The following GRXCR1 variants were observed in gnomAD, a reference collection of about 807,000 sequenced individuals.
The protein encoded by GRXCR1 is glutaredoxin and cysteine rich domain containing 1, also known as glutaredoxin domain-containing cysteine-rich protein 1.
Under a neutral mutation model 27.3 loss-of-function variants are expected in GRXCR1, and 27 were observed. The observed-to-expected ratio is 0.99, with a 90% CI of 0.73 to 1.37. The LOEUF (loss-of-function observed/expected upper bound fraction) is 1.37, where lower values mean the gene tolerates loss of function less well. Ranked by LOEUF, GRXCR1 falls within the 40% of genes most tolerant of loss-of-function variation. GRXCR1 has a pLI of 0.00. For missense variants in GRXCR1, 379 were observed against 354.4 expected, an observed-to-expected ratio of 1.07 and a Z score of -0.56; for synonymous variants, 122 against 131.1, an observed-to-expected ratio of 0.93 and a Z score of 0.47.
intron 2 of GRXCR1, among the ~76,000 whole-genome samples, chr4:43,002,000 G>C (rs777825372): frequency 6.6e-6 from 1 of 152,210 alleles, no homozygotes; most frequent in Admixed American, 6.5e-5. Context: ...CATCTCAGCG[G>C]AGTAAAGAAT....
chr4:42,936,077 T>C (rs565907633), intron 1 of GRXCR1, among the ~76,000 whole-genome samples: 3 of 152,058 alleles, frequency 2.0e-5, no homozygotes, highest in African/African-American at 7.2e-5. Context: ...CTCTGGAGAC[T>C]TGTAGTCCTG....
intron 1 of GRXCR1, 84 bp downstream of exon 1, chr4:42,893,734 C>G (rs535122600): frequency 7.4e-7 from 1 of 1,352,504 alleles, no homozygotes; most frequent in Non-Finnish European, 1.0e-6. Context: ...TAAAGCAAGC[C>G]TCTCTTATTT....
intron 2 of GRXCR1, among the ~76,000 whole-genome samples, chr4:42,964,405 T>C (rs1748193406): frequency 6.6e-6 from 1 of 151,980 alleles, no homozygotes; most frequent in African/African-American, 2.4e-5. Context: ...TCCTGACACT[T>C]ACCATGTGAC....
At chr4:42,984,882 G>A (rs1448574355) in intron 2 of GRXCR1, among the ~76,000 whole-genome samples, 1 of 152,198 alleles carries the variant, frequency 6.6e-6, no homozygotes, top group Non-Finnish European at 1.5e-5. Flanking sequence ...TGGTGCTGAA[G>A]TGGGTCTGGA....
intron 1 of GRXCR1, among the ~76,000 whole-genome samples, chr4:42,910,495 G>C (rs12640603): frequency 6.6e-6 from 1 of 152,072 alleles, no homozygotes; most frequent in Non-Finnish European, 1.5e-5. Flanking sequence ...GGCTACATAT[G>C]CTGAGTGGGC....
At chr4:42,986,879 G>T (rs1401007217) in intron 2 of GRXCR1, among the ~76,000 whole-genome samples, 3 of 151,802 alleles carry the variant, frequency 2.0e-5, no homozygotes, top group African/African-American at 7.3e-5. Flanking sequence ...CCCTAAGCCT[G>T]GAAAGAAGAA....
intron 3 of GRXCR1, among the ~76,000 whole-genome samples, chr4:43,021,758 A>G (rs1713099673): frequency 6.6e-6 from 1 of 152,188 alleles, no homozygotes; most frequent in Non-Finnish European, 1.5e-5. Flanking sequence ...TAGCAAAATA[A>G]TTTACTATGG....
intron 1 of GRXCR1, among the ~76,000 whole-genome samples, chr4:42,942,290 T>G (rs890913927): frequency 6.6e-6 from 1 of 151,822 alleles, no homozygotes; most frequent in Non-Finnish European, 1.5e-5. Context: ...AAAAATCAGA[T>G]GAGTATTTTT....
intron 2 of GRXCR1, among the ~76,000 whole-genome samples, chr4:42,998,047 C>T (rs1282768095): frequency 6.6e-6 from 1 of 152,130 alleles, no homozygotes; most frequent in Non-Finnish European, 1.5e-5. Context: ...ATGTCAGGCA[C>T]AATGGTCCTT....
intron 2 of GRXCR1, among the ~76,000 whole-genome samples, chr4:43,005,980 T>A (rs1712544546): frequency 6.6e-6 from 1 of 152,220 alleles, no homozygotes; most frequent in South Asian, 2.1e-4. Context: ...CAGAAGAATG[T>A]GGATTGTGAA....
intron 2 of GRXCR1, among the ~76,000 whole-genome samples, chr4:42,978,076 T>C (rs1396690395): frequency 6.6e-6 from 1 of 152,124 alleles, no homozygotes; most frequent in Non-Finnish European, 1.5e-5. Context: ...CCATTGTTTA[T>C]TCTTGGCACG....
intron 2 of GRXCR1, among the ~76,000 whole-genome samples, chr4:42,996,512 A>G (rs1040907122): frequency 1.3e-5 from 2 of 152,126 alleles, no homozygotes; most frequent in Non-Finnish European, 2.9e-5. Flanking sequence ...GTGGCCTTTT[A>G]GTTTGCACAA....
chr4:42,982,774 T>A (rs1192008695), intron 2 of GRXCR1, among the ~76,000 whole-genome samples: 1 of 149,958 alleles, frequency 6.7e-6, no homozygotes, highest in Non-Finnish European at 1.5e-5. Context: ...GGTATCTCAT[T>A]GTGGTTTTGA....
chr4:42,951,617 C>G (rs1043435671), intron 1 of GRXCR1, among the ~76,000 whole-genome samples: 4 of 152,084 alleles, frequency 2.6e-5, no homozygotes, highest in African/African-American at 9.7e-5. Context: ...GATTTGTATT[C>G]CTTTTGGTAT....
At chr4:42,946,493 TC>T (rs1419679995) in intron 1 of GRXCR1, among the ~76,000 whole-genome samples, 2 of 152,214 alleles carry the variant, frequency 1.3e-5, no homozygotes, top group Non-Finnish European at 2.9e-5. Context: ...TTACTGTCTG[TC>T]TTAGCTTATT....
At chr4:43,012,159 C>T (rs1712771658) in intron 2 of GRXCR1, among the ~76,000 whole-genome samples, 2 of 152,162 alleles carry the variant, frequency 1.3e-5, no homozygotes, top group Admixed American at 1.3e-4. Context: ...ACTAACTGTC[C>T]TCAGTCTTCT....
At chr4:42,987,310 T>C (rs1247381370) in intron 2 of GRXCR1, among the ~76,000 whole-genome samples, 1 of 127,758 alleles carries the variant, frequency 7.8e-6, no homozygotes, top group East Asian at 2.2e-4. Context: ...AAAGAGAGAG[T>C]CTTGCTCTGT....
At chr4:42,942,204 A>G (rs568397843) in intron 1 of GRXCR1, among the ~76,000 whole-genome samples, 3 of 152,202 alleles carry the variant, frequency 2.0e-5, no homozygotes, top group Non-Finnish European at 2.9e-5. Context: ...TTAATTTTGA[A>G]TACTCCAGAT....
chr4:42,978,267 C>T (rs1748569779), intron 2 of GRXCR1, among the ~76,000 whole-genome samples: 2 of 151,950 alleles, frequency 1.3e-5, no homozygotes, highest in Admixed American at 1.3e-4. Context: ...CTTCTTTTTG[C>T]TCAAGATTTA....
Sources: allele counts gnomAD v4.1 joint callset (sites outside exome capture counted in the v4.1 genomes callset), GRCh38; gene constraint gnomAD v4.1.1; transcripts MANE v1.5; gene names NCBI Gene and HGNC (gene_info 2026-07-23, HGNC 2026-07-21).